The following UBE2G1 variants were observed in gnomAD, a reference collection of about 807,000 sequenced individuals.
The protein encoded by UBE2G1 is ubiquitin-conjugating enzyme E2 G1.
In UBE2G1, 5 loss-of-function variants were observed where a neutral mutation model predicts 22.7. The ratio of observed to expected loss-of-function variants is 0.22; its 90% CI spans 0.12 to 0.46. The LOEUF is 0.46. Among genes scored for constraint, UBE2G1 ranks in the 20% least tolerant of loss-of-function variants. The pLI is 0.99. For synonymous variants in UBE2G1, 74 were observed against 67.5 expected, an observed-to-expected ratio of 1.10 and a Z score of -0.47; for missense variants, 88 against 203.9, an observed-to-expected ratio of 0.43 and a Z score of 3.46.
At chr17:4,315,868 GC>G (rs1419079707) in intron 1 of UBE2G1, among the ~76,000 whole-genome samples, 3 of 138,640 alleles carry the variant, frequency 2.2e-5, no homozygotes, top group African/African-American at 8.3e-5. Context: ...GTGCAGTGGC[GC>G]GATCTCAGCT....
intron 1 of UBE2G1, among the ~76,000 whole-genome samples, chr17:4,356,519 C>T (rs901827504): frequency 1.3e-5 from 2 of 152,138 alleles, no homozygotes; most frequent in Non-Finnish European, 2.9e-5. Flanking sequence ...TTATGCTGAT[C>T]CTTTATTCCA....
At chr17:4,341,001 T>C (rs1969706377) in intron 1 of UBE2G1, among the ~76,000 whole-genome samples, 1 of 150,702 alleles carries the variant, frequency 6.6e-6, no homozygotes, top group South Asian at 2.1e-4. Context: ...AGGGTGAGTT[T>C]TAAGTTGATA....
intron 4 of UBE2G1, among the ~76,000 whole-genome samples, chr17:4,288,197 T>C (rs1259252623): frequency 2.0e-5 from 3 of 152,172 alleles, no homozygotes; most frequent in Admixed American, 6.6e-5. Flanking sequence ...TGTGAAACTT[T>C]TGAAAATTGA....
intron 1 of UBE2G1, among the ~76,000 whole-genome samples, chr17:4,307,705 C>T (rs1969263681): frequency 6.6e-6 from 1 of 152,100 alleles, no homozygotes; most frequent in Non-Finnish European, 1.5e-5. Flanking sequence ...CTGTATATGT[C>T]GACCCTCTGA....
intron 5 of UBE2G1, among the ~76,000 whole-genome samples, chr17:4,279,312 C>T (rs1004302236): frequency 4.7e-5 from 7 of 149,944 alleles, no homozygotes; most frequent in African/African-American, 9.8e-5. Flanking sequence ...CAGATCAACA[C>T]GTACTGGCTG....
At chr17:4,338,223 A>G (rs1969672170) in intron 1 of UBE2G1, among the ~76,000 whole-genome samples, 3 of 152,146 alleles carry the variant, frequency 2.0e-5, no homozygotes. Flanking sequence ...GGAGGGGAAA[A>G]AAAACAGACA....
At chr17:4,318,917 C>A (rs1969406106) in intron 1 of UBE2G1, among the ~76,000 whole-genome samples, 1 of 152,074 alleles carries the variant, frequency 6.6e-6, no homozygotes, top group Non-Finnish European at 1.5e-5. Context: ...GAAAAACAGT[C>A]TCAAAGAAAT....
At chr17:4,282,079 T>C (rs1418630887) in intron 5 of UBE2G1, among the ~76,000 whole-genome samples, 1 of 152,112 alleles carries the variant, frequency 6.6e-6, no homozygotes, top group African/African-American at 2.4e-5. Context: ...ACTTTTTGTT[T>C]GTTTGTTTTT....
intron 3 of UBE2G1, 95 bp from the exon 4 acceptor site, chr17:4,289,503 T>C (rs1969008768): frequency 3.8e-6 from 5 of 1,314,728 alleles, no homozygotes; most frequent in Non-Finnish European, 5.0e-6. Context: ...ACACAGTACC[T>C]TTATCAAACA....
chr17:4,320,920 G>GA (rs1264270370), intron 1 of UBE2G1, among the ~76,000 whole-genome samples: 1 of 151,216 alleles, frequency 6.6e-6, no homozygotes, highest in South Asian at 2.1e-4. Context: ...TGAGAGGAGT[G>GA]AAAAAAACAA....
At chr17:4,349,913 A>G (rs1311402209) in intron 1 of UBE2G1, among the ~76,000 whole-genome samples, 2 of 152,250 alleles carry the variant, frequency 1.3e-5, no homozygotes, top group East Asian at 3.9e-4. Flanking sequence ...ACATCTTCAC[A>G]ATACCCAAAA....
chr17:4,293,614 G>A (rs962610520), intron 3 of UBE2G1, among the ~76,000 whole-genome samples: 1 of 152,110 alleles, frequency 6.6e-6, no homozygotes, highest in Non-Finnish European at 1.5e-5. Flanking sequence ...CCAAACACCC[G>A]CACCATTTAC....
chr17:4,281,668 T>A (rs562198331), intron 5 of UBE2G1, among the ~76,000 whole-genome samples: 21 of 152,220 alleles, frequency 1.4e-4, no homozygotes, highest in Non-Finnish European at 2.8e-4. Flanking sequence ...ACTATTCCGT[T>A]TTCAGAGACA....
In UBE2G1 at chr17:4,366,672, GA is replaced by G. The variant is rs1970041810; in HGVS notation, c.-357del. On this transcript the variant is annotated 5_prime_UTR_variant, in exon 1 of 6. Transcript: ENST00000396981. ...GGGCCGCTCGGCGCAGGCGCGCTGA[GA>G]CTGCCGACTTGGGAAGCGTCCCGCC... The G allele has an allele frequency of 4.9e-6, 1 of 203,464 alleles. No homozygotes were observed. Among genetic ancestry groups the G allele is most frequent in the East Asian group, 1.1e-4 (1 of 9,472 alleles). 12.6% of individuals were successfully genotyped at this position (203,464 alleles called of 1,614,324 possible). A position where few individuals can be genotyped will look rare whatever the true frequency, so the allele number is the denominator to read the frequency against.
rs1969177837 is a variant in UBE2G1, at chr17:4,301,368, G to A, written c.150-4554C>T. Reference sequence around the variant, plus strand: ...CGCAATGGAGGAGAAGGATGAGAAAGCATGGGTGCTGCTGGCCCTTCTGTG... The same window carrying A: ...CGCAATGGAGGAGAAGGATGAGAAAACATGGGTGCTGCTGGCCCTTCTGTG... On this transcript the variant is annotated intron_variant, in intron 2 of 5. Coordinates refer to ENST00000396981, the MANE Select transcript of UBE2G1 (RefSeq NM_003342.5). The A allele has an allele frequency of 1.1e-4, 59 of 533,846 alleles. 1 individual carries two copies. The highest frequency in any genetic ancestry group is 1.0e-3 in the South Asian group (58 of 58,012). 33.1% of individuals were successfully genotyped at this position (533,846 alleles called of 1,614,324 possible). A position where few individuals can be genotyped will look rare whatever the true frequency, so the allele number is the denominator to read the frequency against.
chr17:4,336,880 G>A (rs4464134), intron 1 of UBE2G1, among the ~76,000 whole-genome samples: 68,438 of 151,998 alleles, frequency 0.45, 18,560 homozygotes, highest in African/African-American at 0.77. Flanking sequence ...GGCTGAACAT[G>A]TGAAAGAATG....
intron 1 of UBE2G1, among the ~76,000 whole-genome samples, chr17:4,324,475 A>C (rs1204504387): frequency 6.6e-6 from 1 of 152,212 alleles, no homozygotes; most frequent in East Asian, 1.9e-4. Context: ...ATGTGGTTAC[A>C]ATTTTAAAAT....
At chr17:4,365,620 C>A (rs946015157) in intron 1 of UBE2G1, among the ~76,000 whole-genome samples, 1 of 152,064 alleles carries the variant, frequency 6.6e-6, no homozygotes, top group Non-Finnish European at 1.5e-5. Flanking sequence ...TACCCTCCCC[C>A]AGCCGGGCGG....
chr17:4,270,190 T>TA lies in UBE2G1; in HGVS notation c.*2363dup, dbSNP rs1307008791. ...AAACTAACTGCATTAAAGTGGCACT[T>TA]AAAGTTCAAAAATAGTTGTCCCTGA... On this transcript the variant is annotated 3_prime_UTR_variant, in exon 6 of 6. Transcript: ENST00000396981. 6 of 152,602 alleles carry TA rather than the reference T, an allele frequency of 3.9e-5. No individual in the cohort carries two copies. In the East Asian group the frequency reaches 9.6e-4, roughly 25 times the overall value. The allele number at this position is 152,602 out of a possible 1,614,324, so 9.5% of individuals were successfully genotyped here.
Sources: allele counts gnomAD v4.1 joint callset (sites outside exome capture counted in the v4.1 genomes callset), GRCh38; gene constraint gnomAD v4.1.1; transcripts MANE v1.5; gene names NCBI Gene and HGNC (gene_info 2026-07-23, HGNC 2026-07-21).